Variants in RTF2 observed in about 807,000 individuals in gnomAD.
RTF2 encodes the protein replication termination factor 2.
A neutral mutation model predicts 38.0 loss-of-function variants in RTF2; 18 were observed. The observed-to-expected ratio is 0.47, with a 90% CI of 0.33 to 0.70. RTF2 has a LOEUF of 0.70. Among genes scored for constraint, RTF2 ranks in the 30% least tolerant of loss-of-function variants. The pLI is 0.02. For synonymous variants in RTF2, 126 were observed against 137.1 expected (o/e 0.92, Z 0.57); for missense variants, 311 against 379.6 (o/e 0.82, Z 1.50).
In RTF2 at chr20:56,484,199, T is replaced by C; in HGVS notation, c.477+10T>C. 6.2e-7 allele frequency: 1 copy of C among 1,605,392 alleles called. No homozygotes were observed. Among genetic ancestry groups the C allele is most frequent in the Non-Finnish European group, 8.5e-7 (1 of 1,172,026 alleles). ...GGAAGTTTGCCACACGGTGAGTTCCTGACATGTACCATTTGTTCCTTCTCT... is the reference window on the plus strand; with the variant it reads ...GGAAGTTTGCCACACGGTGAGTTCCCGACATGTACCATTTGTTCCTTCTCT... On this transcript the variant is annotated intron_variant, in intron 5 of 8. Transcript: ENST00000357348.
rs991768501 is a variant in RTF2 at position 56,517,165 on chromosome 20, A to G, written c.706A>G (p.Arg236Gly). The G allele has an allele frequency of 6.2e-7, 1 of 1,614,162 alleles. No individual in the cohort carries two copies. The highest frequency in any genetic ancestry group is 8.5e-7 in the Non-Finnish European group (1 of 1,180,028). The change falls in exon 8 of 9, where the codon AGA (arginine) becomes GGA (glycine). Residue 236 changes from arginine to glycine, a missense_variant. Coordinates refer to ENST00000357348, the MANE Select transcript of RTF2 (RefSeq NM_016407.5). ...GCCTGAAGAAGCCAGCCTTGATTCT[A>G]GAGAGAAGAAAACCAACTTGGCTCC... ...GKPEEASLDS[R>G]EKKTNLAPKS... is the part of the protein sequence containing the mutation.
intron 5 of RTF2, among the ~76,000 whole-genome samples, chr20:56,492,916 A>C (rs796213596): frequency 4.6e-5 from 7 of 152,042 alleles, no homozygotes; most frequent in African/African-American, 1.7e-4. Context: ...AGTGGGTGAC[A>C]CCTGTAATCC....
intron 1 of RTF2, 122 bp downstream of exon 1, chr20:56,468,888 C>T: frequency 1.3e-6 from 1 of 750,526 alleles, no homozygotes; most frequent in Non-Finnish European, 2.2e-6. Flanking sequence ...GTCTTTTATT[C>T]CATTCAGAGG....
chr20:56,500,043 G>GT (rs1393142099), intron 5 of RTF2, among the ~76,000 whole-genome samples: 4 of 150,948 alleles, frequency 2.6e-5, no homozygotes, highest in African/African-American at 7.3e-5. Context: ...CGGCCTATTT[G>GT]TTTTTTTGGT....
chr20:56,496,936 A>T, intron 5 of RTF2: 1 of 1,551,394 alleles, frequency 6.4e-7, no homozygotes, highest in Admixed American at 2.0e-5. Flanking sequence ...TTATCACTCC[A>T]TTTGCTTCTG....
At position 56,496,542 on chromosome 20, in the gene RTF2, C is replaced by T. The variant is rs144627539; in HGVS notation, c.477+12353C>T. The T allele has an allele frequency of 2.6e-5, 34 of 1,290,630 alleles. No individual in the cohort carries two copies. The African/African-American group carries it at 3.4e-4, about 13-fold the overall frequency. The allele number at this position is 1,290,630 out of a possible 1,614,324, so 79.9% of individuals were successfully genotyped here. On this transcript the variant is annotated intron_variant, in intron 5 of 8. Coordinates refer to ENST00000357348, the MANE Select transcript of RTF2 (RefSeq NM_016407.5). Reference sequence around the variant, plus strand: ...CAGCCTCGGTGACCGTGTGAGACTCCGTCTCAAAATCAGTCAGTCAATCAA... The same window carrying T: ...CAGCCTCGGTGACCGTGTGAGACTCTGTCTCAAAATCAGTCAGTCAATCAA...
chr20:56,486,707 T>C (rs1982812966), intron 5 of RTF2, among the ~76,000 whole-genome samples: 1 of 151,680 alleles, frequency 6.6e-6, no homozygotes, highest in Non-Finnish European at 1.5e-5. Context: ...GCAGAAACAA[T>C]GGGTAGATTT....
chr20:56,513,337 A>T lies in RTF2; in HGVS notation c.500A>T (p.Asp167Val), dbSNP rs1320639411. 1.2e-6 allele frequency: 2 copies of T among 1,604,808 alleles called. No homozygotes were observed. Among genetic ancestry groups the T allele is most frequent in the Non-Finnish European group, 1.7e-6 (2 of 1,176,190 alleles). ...CAGTGTGGGGCTGCCTTCCAGGAGGATGATGTCATCATGCTCAATGGCACC... is the reference window on the plus strand; with the variant it reads ...CAGTGTGGGGCTGCCTTCCAGGAGGTTGATGTCATCATGCTCAATGGCACC... ...CHTCGAAFQE[D>V]DVIMLNGTKE... The change falls in exon 6 of 9, where the codon GAT becomes GTT. Residue 167 changes from aspartate to valine, a missense_variant. Coordinates refer to ENST00000357348, the MANE Select transcript of RTF2 (RefSeq NM_016407.5).
chr20:56,486,697 G>T (rs1204921091), intron 5 of RTF2, among the ~76,000 whole-genome samples: 1 of 152,082 alleles, frequency 6.6e-6, no homozygotes, highest in Non-Finnish European at 1.5e-5. Context: ...TTAAAATTAA[G>T]CAGAAACAAT....
At chr20:56,481,778 C>T (rs1982539347) in intron 4 of RTF2, among the ~76,000 whole-genome samples, 1 of 152,196 alleles carries the variant, frequency 6.6e-6, no homozygotes. Flanking sequence ...TTTATCACCC[C>T]AAAAGGAAAA....
rs1984209679 is a variant in RTF2, at chr20:56,505,504, T to TAAG, written c.478-7809_478-7808insGAA. ...TGCCATCTCATAATAATAATAATAA[T>TAAG]AATAATAATAATATTTGCCCTGTGG... On this transcript the variant is annotated intron_variant, in intron 5 of 8. Coordinates refer to ENST00000357348, the MANE Select transcript of RTF2 (RefSeq NM_016407.5). Among the ~76,000 whole-genome samples, 3 of 149,282 alleles carry TAAG rather than the reference T, an allele frequency of 2.0e-5. No individual in the cohort carries two copies. In the Admixed American group the frequency reaches 2.0e-4, roughly 10 times the overall value.
At chr20:56,512,609 G>A (rs1437060430) in intron 5 of RTF2, among the ~76,000 whole-genome samples, 2 of 152,144 alleles carry the variant, frequency 1.3e-5, no homozygotes, top group Admixed American at 6.5e-5. Context: ...TTGTTCTGCC[G>A]GGGTGTGTTG....
At chr20:56,499,254 T>C (rs1983761916) in intron 5 of RTF2, among the ~76,000 whole-genome samples, 1 of 148,714 alleles carries the variant, frequency 6.7e-6, no homozygotes, top group African/African-American at 2.5e-5. Flanking sequence ...TGGAGTGCAA[T>C]GGTGCGATCT....
At chr20:56,476,020 C>CTCT (rs1470665134) in intron 3 of RTF2, among the ~76,000 whole-genome samples, 1 of 152,214 alleles carries the variant, frequency 6.6e-6, no homozygotes, top group African/African-American at 2.4e-5. Context: ...CCTTTCAAGA[C>CTCT]ACTCACCTGC....
At position 56,517,235 on chromosome 20, in the gene RTF2, G is replaced by C. The variant is rs562159219; in HGVS notation, c.742+34G>C. On this transcript the variant is annotated intron_variant, in intron 8 of 8. Coordinates refer to ENST00000357348, the MANE Select transcript of RTF2 (RefSeq NM_016407.5). ...TGTTGTAGCTACAGGGAGCTGTTTC[G>C]AGAAGGCTGGAAACCCAGGTGGCCG... 305 of 1,572,700 alleles carry C rather than the reference G, an allele frequency of 1.9e-4. 1 individual carries two copies. Among genetic ancestry groups the C allele is most frequent in the South Asian group, 1.7e-3 (150 of 89,438 alleles).
At position 56,518,149 on chromosome 20, in the gene RTF2, A is replaced by G. The variant is rs772503920; in HGVS notation, c.805A>G (p.Ile269Val). Residue 269 changes from isoleucine (I) to valine (V), a missense_variant, in exon 9 of 9, where the codon ATC (isoleucine) becomes GTC (valine). Transcript: ENST00000357348. The stretch of plus-strand genomic sequence containing the variant: ...TCCGTGTGGAGCCACAAAGAGGTCC[A>G]TCGCTGACAGTGAAGAATCGGAGGC... Reference protein sequence around the residue: ...KPPCGATKRSIADSEESEAYK... With the variant: ...KPPCGATKRSVADSEESEAYK... 3.7e-6 allele frequency: 6 copies of G among 1,614,202 alleles called. No homozygotes were observed. The South Asian group carries it at 4.4e-5, about 12-fold the overall frequency.
chr20:56,470,539 G>A (rs1600789549), intron 1 of RTF2: 5 of 454,582 alleles, frequency 1.1e-5, no homozygotes, highest in African/African-American at 2.0e-5. Context: ...GGTTCCTAAC[G>A]CAGAGCACCT....
chr20:56,513,213 G>T, intron 5 of RTF2, 102 bp from the exon 6 acceptor site: 1 of 1,458,720 alleles, frequency 6.9e-7, no homozygotes, highest in Non-Finnish European at 9.2e-7. Flanking sequence ...GAATTTACTC[G>T]GAGCCTGGGG....
intron 5 of RTF2, among the ~76,000 whole-genome samples, chr20:56,501,514 A>C (rs904024330): frequency 2.0e-5 from 3 of 152,184 alleles, no homozygotes; most frequent in Non-Finnish European, 4.4e-5. Context: ...AAGGCTGTAG[A>C]AAGAGTGGCT....
Sources: gnomAD v4.1 joint callset for allele counts (sites outside exome capture counted in the v4.1 genomes callset) on GRCh38, gnomAD v4.1.1 for gene constraint, MANE v1.5 for transcripts, NCBI Gene and HGNC (gene_info 2026-07-23, HGNC 2026-07-21) for gene names.